The following SEMA5A variants were observed in gnomAD, a reference collection of about 807,000 sequenced individuals.
The protein encoded by SEMA5A is semaphorin-5A.
In SEMA5A, 55 loss-of-function variants were observed where a neutral mutation model predicts 135.5. The observed-to-expected ratio is 0.41, with a 90% CI of 0.33 to 0.51. SEMA5A has a LOEUF of 0.51. SEMA5A is among the 20% of genes least tolerant of loss of function. The probability of loss-of-function intolerance (pLI) is 0.37; values close to 1 mark genes in which losing one functional copy is unlikely to be tolerated. For synonymous variants in SEMA5A, 580 were observed against 546.5 expected, an observed-to-expected ratio of 1.06 and a Z score of -0.85; for missense variants, 1,290 against 1,419.9, an observed-to-expected ratio of 0.91 and a Z score of 1.47.
intron 15 of SEMA5A, among the ~76,000 whole-genome samples, chr5:9,118,473 C>G (rs1156968154): frequency 1.3e-5 from 2 of 152,108 alleles, no homozygotes; most frequent in East Asian, 3.9e-4. Context: ...GCTCAAAATA[C>G]ACGTGGAAAA....
intron 8 of SEMA5A, among the ~76,000 whole-genome samples, chr5:9,216,763 T>C (rs1394256809): frequency 6.6e-6 from 1 of 152,232 alleles, no homozygotes; most frequent in Non-Finnish European, 1.5e-5. Flanking sequence ...TGATCTTTGT[T>C]GGTTTGAAGT....
At chr5:9,447,082 T>C (rs1214060748) in intron 1 of SEMA5A, among the ~76,000 whole-genome samples, 1 of 152,240 alleles carries the variant, frequency 6.6e-6, no homozygotes, top group Non-Finnish European at 1.5e-5. Flanking sequence ...ATTGGTTAAA[T>C]TGTTCAGAAA....
intron 1 of SEMA5A, among the ~76,000 whole-genome samples, chr5:9,532,676 C>T (rs998825621): frequency 1.3e-5 from 2 of 152,132 alleles, no homozygotes; most frequent in African/African-American, 4.8e-5. Context: ...TTTGTCTCTC[C>T]GATGATTGGG....
At chr5:9,226,817 G>C in intron 7 of SEMA5A, 52 bp downstream of exon 7, 1 of 1,380,144 alleles carries the variant, frequency 7.2e-7, no homozygotes, top group East Asian at 2.4e-5. Flanking sequence ...TTTACACAAT[G>C]TTTTGCCTCT....
chr5:9,279,355 T>C (rs1279452643), intron 5 of SEMA5A, among the ~76,000 whole-genome samples: 4 of 152,190 alleles, frequency 2.6e-5, no homozygotes, highest in Non-Finnish European at 5.9e-5. Flanking sequence ...ACCCCTACTG[T>C]TTCTTGGAAG....
In SEMA5A at chr5:9,067,008, T is replaced by C. The variant is rs906836902; in HGVS notation, c.2074-362A>G. On this transcript the variant is annotated intron_variant, in intron 16 of 22. Transcript: ENST00000382496. ...CGATGTTAAGTTTAGCTATTTTCTTTAAAAGATTGATTTGTAAACCTCACA... is the reference window on the plus strand; with the variant it reads ...CGATGTTAAGTTTAGCTATTTTCTTCAAAAGATTGATTTGTAAACCTCACA... 2.0e-5 allele frequency among the ~76,000 whole-genome samples: 3 copies of C among 152,228 alleles called. No individual in the cohort carries two copies. The East Asian group carries it at 5.8e-4, about 29-fold the overall frequency.
At chr5:9,316,602 G>T (rs996640147) in intron 5 of SEMA5A, among the ~76,000 whole-genome samples, 1 of 151,818 alleles carries the variant, frequency 6.6e-6, no homozygotes, top group Non-Finnish European at 1.5e-5. Context: ...TTTTAGAAAA[G>T]GTTATCTAAA....
chr5:9,224,236 A>G (rs910008562), intron 8 of SEMA5A, among the ~76,000 whole-genome samples: 3 of 152,174 alleles, frequency 2.0e-5, no homozygotes, highest in Admixed American at 1.3e-4. Context: ...TAATTGTCAT[A>G]CTTTTTGGAG....
At chr5:9,164,272 A>C (rs1743484426) in intron 11 of SEMA5A, among the ~76,000 whole-genome samples, 1 of 145,452 alleles carries the variant, frequency 6.9e-6, no homozygotes, top group Non-Finnish European at 1.5e-5. Flanking sequence ...TATATGATAT[A>C]AATATTTATA....
chr5:9,053,065 T>C (rs1384113146), intron 19 of SEMA5A, among the ~76,000 whole-genome samples: 2 of 152,208 alleles, frequency 1.3e-5, no homozygotes, highest in African/African-American at 4.8e-5. Context: ...TAGAACCTTC[T>C]AGAAAGATGT....
intron 11 of SEMA5A, among the ~76,000 whole-genome samples, chr5:9,158,048 G>C (rs938208260): frequency 2.0e-5 from 3 of 152,212 alleles, no homozygotes; most frequent in Non-Finnish European, 4.4e-5. Context: ...TGATGTATGT[G>C]TAGTGGCTGC....
intron 8 of SEMA5A, among the ~76,000 whole-genome samples, chr5:9,212,350 T>C (rs1746387707): frequency 6.6e-6 from 1 of 152,242 alleles, no homozygotes; most frequent in South Asian, 2.1e-4. Context: ...ACGATTAATA[T>C]TTTAATGCAT....
chr5:9,141,410 T>C (rs1742057670), intron 12 of SEMA5A, among the ~76,000 whole-genome samples: 1 of 152,248 alleles, frequency 6.6e-6, no homozygotes, highest in Non-Finnish European at 1.5e-5. Context: ...ACCCCATAAA[T>C]ATATTCTGTT....
Position 9,054,129 on chromosome 5 carries a change from G to GC in SEMA5A, c.2646dup (p.Leu883AlafsTer25). The GC allele has an allele frequency of 6.2e-7, 1 of 1,613,748 alleles. No individual in the cohort carries two copies. The highest frequency in any genetic ancestry group is 8.5e-7 in the Non-Finnish European group (1 of 1,179,888). On this transcript the variant is annotated frameshift_variant, in exon 19 of 23. Transcript: ENST00000382496. LOFTEE classifies it high-confidence loss of function. The stretch of plus-strand genomic sequence containing the variant: ...TTGCAGAGTGCCTCTTCTGTGTGCA[G>GC]CCCCAGGCAGATGTCCCCTCCATAG...
chr5:9,130,516 G>T (rs1741350876), intron 13 of SEMA5A, among the ~76,000 whole-genome samples: 1 of 152,136 alleles, frequency 6.6e-6, no homozygotes. Flanking sequence ...GCCTCTGATA[G>T]GATGGGTGAA....
At chr5:9,367,150 AT>A (rs1754952205) in intron 3 of SEMA5A, among the ~76,000 whole-genome samples, 2 of 152,374 alleles carry the variant, frequency 1.3e-5, no homozygotes, top group East Asian at 1.9e-4. Context: ...CTACATTTTA[AT>A]TTAACTAATT....
chr5:9,520,106 A>C (rs1389518983), intron 1 of SEMA5A: 1 of 152,394 alleles, frequency 6.6e-6, no homozygotes, highest in Admixed American at 6.5e-5. Flanking sequence ...CACCTGGCCT[A>C]GCAGCAGCCA....
chr5:9,544,370 C>T (rs1337790078), intron 1 of SEMA5A, among the ~76,000 whole-genome samples: 4 of 152,174 alleles, frequency 2.6e-5, no homozygotes, highest in Admixed American at 2.6e-4. Context: ...AAGGCAGATG[C>T]CCAGACAAGG....
chr5:9,281,071 T>C (rs1223058518), intron 5 of SEMA5A, among the ~76,000 whole-genome samples: 1 of 152,158 alleles, frequency 6.6e-6, no homozygotes, highest in Non-Finnish European at 1.5e-5. Context: ...AGAAACCAAA[T>C]ATATTTATAT....
Sources: gnomAD v4.1 joint callset for allele counts (sites outside exome capture counted in the v4.1 genomes callset) on GRCh38, gnomAD v4.1.1 for gene constraint, MANE v1.5 for transcripts, NCBI Gene and HGNC (gene_info 2026-07-23, HGNC 2026-07-21) for gene names.